CHD1L: variants seen among roughly 807,000 people sequenced by gnomAD.
CHD1L encodes ATP-dependent chromatin remodeler CHD1L.
CHD1L carries 118 observed loss-of-function variants against 115.9 expected under a neutral mutation model. The observed-to-expected ratio is 1.02, with a 90% confidence interval of 0.88 to 1.19. The LOEUF is 1.19. CHD1L is among the 50% of genes most tolerant of loss of function. CHD1L has a pLI of 0.00. For synonymous variants in CHD1L, 411 were observed against 387.1 expected (o/e 1.06, Z -0.72); for missense variants, 1,179 against 1,065.3 (o/e 1.11, Z -1.49).
chr1:147,276,704 G>A (rs1678600894), intron 14 of CHD1L, among the ~76,000 whole-genome samples: 1 of 152,166 alleles, frequency 6.6e-6, no homozygotes, highest in Non-Finnish European at 1.5e-5. Context: ...AAAAATGGGT[G>A]AAAGAACTAG....
intron 9 of CHD1L, 75 bp downstream of exon 9, chr1:147,267,593 A>G: frequency 4.5e-6 from 5 of 1,110,014 alleles, no homozygotes; most frequent in South Asian, 4.2e-5. Flanking sequence ...AAATTCTTCA[A>G]AATAATTGCA....
chr1:147,217,383 T>C, the CHD1L span, among the ~76,000 whole-genome samples: 1 of 152,220 alleles, frequency 6.6e-6, no homozygotes, highest in Admixed American at 6.5e-5. Context: ...TTCAAATTTT[T>C]AGATTTTCAA....
intron 20 of CHD1L, among the ~76,000 whole-genome samples, chr1:147,292,351 C>T (rs782781569): frequency 1.3e-4 from 20 of 152,192 alleles, no homozygotes; most frequent in Non-Finnish European, 2.4e-4. Context: ...AATCCTTTTG[C>T]ATCTTAGGCA....
At chr1:147,203,615 T>G in the CHD1L span, 1 of 1,222,946 alleles carries the variant, frequency 8.2e-7, no homozygotes, top group Non-Finnish European at 1.2e-6. Flanking sequence ...CTCAGCAAAC[T>G]TCTTAATAGC....
the CHD1L span, among the ~76,000 whole-genome samples, chr1:147,183,039 A>G: frequency 5.8e-4 from 88 of 152,236 alleles, 1 homozygote; most frequent in African/African-American, 2.1e-3. Flanking sequence ...CTCTACTAAA[A>G]ATACAAAGAT....
At chr1:147,251,305 G>T (rs1204776981) in intron 1 of CHD1L, among the ~76,000 whole-genome samples, 1 of 152,062 alleles carries the variant, frequency 6.6e-6, no homozygotes, top group African/African-American at 2.4e-5. Context: ...CAGGCCCAAG[G>T]TCCCTAGCCA....
At chr1:147,207,535 T>A in the CHD1L span, among the ~76,000 whole-genome samples, 1 of 152,194 alleles carries the variant, frequency 6.6e-6, no homozygotes, top group Non-Finnish European at 1.5e-5. Context: ...TTCTTCTCAT[T>A]AGAGTATTTA....
In CHD1L at chr1:147,256,543, G is replaced by A. The variant is rs1670217835; in HGVS notation, c.475G>A (p.Asp159Asn). Residue 159 changes from aspartate to asparagine, a missense_variant, in exon 5 of 23, where the codon GAT becomes AAT. Asp to Asn is a conservative substitution (Grantham distance 23). Transcript: ENST00000369258. ...CCTAATTTTTCAGATTTGCTTGAAA[G>A]ATGCATCATTTCTAAAATCGTGAGT... is the stretch of plus-strand genomic sequence containing the variant. ...LLTTYEICLK[D>N]ASFLKSFPWS... is the part of the protein sequence containing the mutation. The A allele has an allele frequency of 1.2e-6, 2 of 1,613,576 alleles. No homozygotes were observed.
the CHD1L span, among the ~76,000 whole-genome samples, chr1:147,231,636 G>T: frequency 6.6e-6 from 1 of 152,076 alleles, no homozygotes; most frequent in African/African-American, 2.4e-5. Context: ...TATTGTGTGG[G>T]AGCTAAGTCT....
chr1:147,272,696 A>T (rs1553954274), intron 12 of CHD1L, among the ~76,000 whole-genome samples: 1 of 152,232 alleles, frequency 6.6e-6, no homozygotes, highest in Non-Finnish European at 1.5e-5. Flanking sequence ...GAAAAGCTTA[A>T]CAAAAATCTA....
the CHD1L span, chr1:147,184,566 G>C: frequency 1.3e-6 from 2 of 1,549,024 alleles, no homozygotes; most frequent in Non-Finnish European, 1.7e-6. The surrounding 1 kb of genome is among the most constrained non-coding windows in gnomAD (Gnocchi z 4.4). Flanking sequence ...ACAGTTTTGA[G>C]GTAGTCAGGT....
the CHD1L span, chr1:147,224,971 T>G: frequency 6.2e-7 from 1 of 1,614,036 alleles, no homozygotes; most frequent in Non-Finnish European, 8.5e-7. Flanking sequence ...TACGCAGCAC[T>G]TGATGGAAGA....
At chr1:147,256,051 C>A in intron 4 of CHD1L, 124 bp downstream of exon 4, 1 of 556,750 alleles carries the variant, frequency 1.8e-6, no homozygotes, top group Non-Finnish European at 3.1e-6. Flanking sequence ...AGTCTACCTT[C>A]ATCAGATTCT....
intron 6 of CHD1L, among the ~76,000 whole-genome samples, chr1:147,262,488 G>A (rs1553944824): frequency 1.3e-5 from 2 of 152,076 alleles, no homozygotes; most frequent in South Asian, 4.1e-4. Context: ...TGTGTCATAG[G>A]GTAAGTTACC....
At chr1:147,216,048 C>T in the CHD1L span, 1 of 714,782 alleles carries the variant, frequency 1.4e-6, no homozygotes, top group Non-Finnish European at 2.4e-6. Context: ...TCAATTAAAT[C>T]ACACACACAC....
chr1:147,189,964 T>C, the CHD1L span, among the ~76,000 whole-genome samples: 1 of 152,196 alleles, frequency 6.6e-6, no homozygotes, highest in Non-Finnish European at 1.5e-5. Context: ...CATATGATTT[T>C]AGACACCTAA....
chr1:147,224,075 C>G, the CHD1L span: 2 of 368,684 alleles, frequency 5.4e-6, no homozygotes, highest in African/African-American at 4.3e-5. Context: ...TGCCCTGTGT[C>G]CCAAAATGGG....
intron 1 of CHD1L, among the ~76,000 whole-genome samples, chr1:147,250,566 C>G (rs587771071): frequency 6.6e-6 from 1 of 152,038 alleles, no homozygotes; most frequent in African/African-American, 2.4e-5. Flanking sequence ...GGTAGGGCCT[C>G]GTTATTGGTT....
the CHD1L span, among the ~76,000 whole-genome samples, chr1:147,217,059 G>A: frequency 1.3e-5 from 2 of 151,216 alleles, no homozygotes; most frequent in East Asian, 2.0e-4. Context: ...TGACCAACAT[G>A]GAGAAACCCT....
Sources: allele counts gnomAD v4.1 joint callset (sites outside exome capture counted in the v4.1 genomes callset), GRCh38; gene constraint gnomAD v4.1.1; non-coding constraint Gnocchi (gnomAD v3.1); transcripts MANE v1.5; gene names NCBI Gene and HGNC (gene_info 2026-07-23, HGNC 2026-07-21).